Variants in MOXD1 observed in about 807,000 individuals in gnomAD.
MOXD1 encodes the protein DBH-like monooxygenase protein 1.
MOXD1 carries 62 observed loss-of-function variants against 66.6 expected under a neutral mutation model. That is an observed-to-expected ratio of 0.93 (90% confidence interval 0.76 to 1.15). MOXD1 has a LOEUF of 1.15. Ranked by LOEUF, MOXD1 falls within the 50% of genes most tolerant of loss-of-function variation. The probability of loss-of-function intolerance (pLI) is 0.00; values close to 1 mark genes in which losing one functional copy is unlikely to be tolerated. For missense variants in MOXD1, 847 were observed against 754.6 expected (o/e 1.12, Z -1.44); for synonymous variants, 303 against 281.9 (o/e 1.07, Z -0.75).
chr6:132,371,839 T>C (rs1776268317), intron 4 of MOXD1, among the ~76,000 whole-genome samples: 1 of 152,206 alleles, frequency 6.6e-6, no homozygotes. Flanking sequence ...TCTGGCCTTC[T>C]GAATGTTTAC....
chr6:132,361,148 C>G (rs1017510267), intron 4 of MOXD1, among the ~76,000 whole-genome samples: 3 of 151,970 alleles, frequency 2.0e-5, no homozygotes, highest in African/African-American at 7.3e-5. Flanking sequence ...TAAAATGGAC[C>G]CATTACATTA....
chr6:132,379,219 A>G (rs895819853), intron 1 of MOXD1, among the ~76,000 whole-genome samples: 4 of 152,144 alleles, frequency 2.6e-5, no homozygotes, highest in Non-Finnish European at 5.9e-5. Flanking sequence ...TTAGAAAATC[A>G]ATCAATATGA....
chr6:132,378,875 C>CTTTTTTTTTTTTTTTTTTTT (rs3038136), intron 1 of MOXD1, among the ~76,000 whole-genome samples: 1 of 41,884 alleles, frequency 2.4e-5, no homozygotes, highest in Non-Finnish European at 6.4e-5. Context: ...AACACTTCCT[C>CTTTTTTTTTTTTTTTTTTTT]TTTTTTTTTT....
intron 7 of MOXD1, among the ~76,000 whole-genome samples, chr6:132,323,179 A>G (rs1190423641): frequency 3.9e-5 from 6 of 152,156 alleles, no homozygotes; most frequent in Non-Finnish European, 5.9e-5. Context: ...AGATTCCAGT[A>G]TGTTAGTAAC....
rs575360297 is a variant in MOXD1 at position 132,395,021 on chromosome 6, G to C, written c.264+6142C>G. On this transcript the variant is annotated intron_variant, in intron 1 of 11. Coordinates refer to ENST00000367963, the MANE Select transcript of MOXD1 (RefSeq NM_015529.4). ...TCAGCACATTATAGTCAAAATATCA[G>C]AGGTGAAAGACACAGAGAAAACTCA... Among the ~76,000 whole-genome samples the C allele has an allele frequency of 3.4e-4, 52 of 152,188 alleles. 1 individual carries two copies. The highest frequency in any genetic ancestry group is 6.8e-3 in the Middle Eastern group (2 of 294).
At chr6:132,375,708 C>T (rs1236380752) in intron 1 of MOXD1, among the ~76,000 whole-genome samples, 1 of 152,122 alleles carries the variant, frequency 6.6e-6, no homozygotes, top group African/African-American at 2.4e-5. Context: ...GTGTGAGCCA[C>T]CGCGCCCAGC....
chr6:132,372,595 A>G lies in MOXD1; in HGVS notation c.663+13T>C, dbSNP rs138503434. ...CATGAAAATTAATTTTAGCCTATGA[A>G]TGAGTCACATACCTTTATTACATGA... On this transcript the variant is annotated intron_variant, in intron 4 of 11. Coordinates refer to ENST00000367963, the MANE Select transcript of MOXD1 (RefSeq NM_015529.4). 28 of 1,594,598 alleles carry G rather than the reference A, an allele frequency of 1.8e-5. No individual in the cohort carries two copies. The East Asian group carries it at 6.3e-4, about 36-fold the overall frequency.
chr6:132,357,750 T>G (rs1775935573), intron 4 of MOXD1, among the ~76,000 whole-genome samples: 1 of 152,138 alleles, frequency 6.6e-6, no homozygotes, highest in Non-Finnish European at 1.5e-5. Flanking sequence ...AATGGAGATA[T>G]AAATCTTAGG....
chr6:132,319,976 T>A (rs931231887), intron 9 of MOXD1, among the ~76,000 whole-genome samples: 1 of 152,164 alleles, frequency 6.6e-6, no homozygotes, highest in Non-Finnish European at 1.5e-5. Flanking sequence ...CTCAAGTTGG[T>A]CTTATCATTA....
intron 4 of MOXD1, among the ~76,000 whole-genome samples, chr6:132,349,396 C>CAT (rs1416652531): frequency 0.051 from 2,116 of 41,110 alleles, 395 homozygotes; most frequent in East Asian, 0.13. Context: ...TATATATACA[C>CAT]ATATATATAC....
At chr6:132,351,652 T>G (rs1011941299) in intron 4 of MOXD1, among the ~76,000 whole-genome samples, 6 of 152,208 alleles carry the variant, frequency 3.9e-5, no homozygotes, top group Non-Finnish European at 5.9e-5. Context: ...GATGCTGGTT[T>G]CATAGAATGA....
chr6:132,379,988 G>A (rs571065848), intron 1 of MOXD1, among the ~76,000 whole-genome samples: 1 of 152,262 alleles, frequency 6.6e-6, no homozygotes, highest in African/African-American at 2.4e-5. Flanking sequence ...TTGAGCTCAA[G>A]TGATCTGCCT....
chr6:132,300,268 G>T (rs1015628917), intron 10 of MOXD1, among the ~76,000 whole-genome samples: 2 of 152,086 alleles, frequency 1.3e-5, no homozygotes, highest in Admixed American at 1.3e-4. Context: ...AACATATTGT[G>T]ACAATTTTGT....
intron 1 of MOXD1, among the ~76,000 whole-genome samples, chr6:132,395,594 G>A (rs7449646): frequency 0.2 from 30,642 of 152,004 alleles, 3,270 homozygotes; most frequent in Middle Eastern, 0.27. Flanking sequence ...GGCTGAATGG[G>A]TTAAAAAACA....
chr6:132,349,466 CATATATATATATAT>C (rs1175675163), intron 4 of MOXD1, among the ~76,000 whole-genome samples: 1 of 12,154 alleles, frequency 8.2e-5, no homozygotes, highest in Admixed American at 1.0e-3. Context: ...TATATATATA[CATATATATATATAT>C]ACATATATAT....
At chr6:132,374,896 C>G in intron 1 of MOXD1, 119 bp from the exon 2 acceptor site, 1 of 1,031,808 alleles carries the variant, frequency 9.7e-7, no homozygotes, top group African/African-American at 1.6e-5. Context: ...CCGGGAATTT[C>G]CAAGGGGCTG....
intron 1 of MOXD1, among the ~76,000 whole-genome samples, chr6:132,399,728 G>A (rs1191053368): frequency 6.6e-6 from 1 of 152,140 alleles, no homozygotes. Flanking sequence ...AACATGCAAG[G>A]ATAGTTAAGG....
chr6:132,401,394 C>T lies in MOXD1; in HGVS notation c.33G>A (p.Gly11=). Residue 11 remains glycine (G), a synonymous_variant, in exon 1 of 12, where the codon GGG becomes GGA. Transcript: ENST00000367963. ...CCCCCGCCGCCGTCCCGGGGAGCAG[C>T]CCCCACAGCAGGAGCAGCGGCCAGC... MCCWPLLLLW[G]LLPGTAAGGS... The T allele has an allele frequency of 6.5e-7, 1 of 1,529,384 alleles. No homozygotes were observed. The highest frequency in any genetic ancestry group is 8.7e-7 in the Non-Finnish European group (1 of 1,143,932). The allele number at this position is 1,529,384 out of a possible 1,614,324, so 94.7% of individuals were successfully genotyped here. A position where few individuals can be genotyped will look rare whatever the true frequency, so the allele number is the denominator to read the frequency against.
chr6:132,395,961 C>G (rs1198252760), intron 1 of MOXD1, among the ~76,000 whole-genome samples: 1 of 152,268 alleles, frequency 6.6e-6, no homozygotes, highest in East Asian at 1.9e-4. Flanking sequence ...TAATAGCCCA[C>G]TCTCAGCATT....
Sources: allele counts gnomAD v4.1 joint callset (sites outside exome capture counted in the v4.1 genomes callset), GRCh38; gene constraint gnomAD v4.1.1; transcripts MANE v1.5; gene names NCBI Gene and HGNC (gene_info 2026-07-23, HGNC 2026-07-21).